The following CRYL1 variants were observed in gnomAD, a reference collection of about 807,000 sequenced individuals.
CRYL1 encodes crystallin lambda 1, also known as lambda-crystallin homolog.
Under a neutral mutation model 36.6 loss-of-function variants are expected in CRYL1, and 29 were observed. The observed-to-expected ratio is 0.79, with a 90% CI of 0.59 to 1.08. CRYL1 has a LOEUF of 1.08. CRYL1 is among the 50% of genes least tolerant of loss of function. CRYL1 has a pLI of 0.00. For synonymous variants in CRYL1, 152 were observed against 151.5 expected, an observed-to-expected ratio of 1.00 and a Z score of -0.02; for missense variants, 411 against 407.9, an observed-to-expected ratio of 1.01 and a Z score of -0.06.
intron 5 of CRYL1, among the ~76,000 whole-genome samples, chr13:20,420,935 G>T (rs1230937402): frequency 6.6e-6 from 1 of 151,850 alleles, no homozygotes; most frequent in Non-Finnish European, 1.5e-5. Context: ...GGATTTCATT[G>T]TGTTAGCCAG....
intron 1 of CRYL1, among the ~76,000 whole-genome samples, chr13:20,522,015 T>C (rs1444690171): frequency 1.3e-5 from 2 of 152,276 alleles, no homozygotes; most frequent in Non-Finnish European, 2.9e-5. Flanking sequence ...ATACCTAGAA[T>C]AGCACTTCAA....
At chr13:20,469,812 C>T (rs1323080795) in intron 3 of CRYL1, among the ~76,000 whole-genome samples, 2 of 152,210 alleles carry the variant, frequency 1.3e-5, no homozygotes, top group African/African-American at 4.8e-5. Flanking sequence ...CAATGTCTGG[C>T]CCCATGGGAA....
intron 4 of CRYL1, among the ~76,000 whole-genome samples, chr13:20,436,029 C>T (rs1455822162): frequency 6.6e-6 from 1 of 152,218 alleles, no homozygotes; most frequent in African/African-American, 2.4e-5. Flanking sequence ...GGGCGCTTTG[C>T]AGACAGCAAG....
chr13:20,488,016 C>T (rs2033434403), intron 3 of CRYL1, among the ~76,000 whole-genome samples: 2 of 152,030 alleles, frequency 1.3e-5, no homozygotes, highest in South Asian at 2.1e-4. Flanking sequence ...ACAGGAGAAT[C>T]GCTTGAATCC....
intron 5 of CRYL1, among the ~76,000 whole-genome samples, chr13:20,417,880 G>A (rs1018414525): frequency 6.6e-6 from 1 of 152,182 alleles, no homozygotes; most frequent in African/African-American, 2.4e-5. Flanking sequence ...AAAGGTTTAG[G>A]GATGTATCAC....
intron 2 of CRYL1, among the ~76,000 whole-genome samples, chr13:20,505,105 G>A (rs902214286): frequency 2.0e-5 from 3 of 151,982 alleles, no homozygotes; most frequent in South Asian, 2.1e-4. Flanking sequence ...CCTGTAATCC[G>A]AGCACTTTGG....
Position 20,403,952 on chromosome 13 carries a change from T to C in CRYL1, c.*177A>G. The C allele has an allele frequency of 2.1e-6, 1 of 476,220 alleles. No individual in the cohort carries two copies. Among genetic ancestry groups the C allele is most frequent in the South Asian group, 3.7e-5 (1 of 27,122 alleles). 29.5% of individuals were successfully genotyped at this position (476,220 alleles called of 1,614,324 possible). A position where few individuals can be genotyped will look rare whatever the true frequency, so the allele number is the denominator to read the frequency against. On this transcript the variant is annotated 3_prime_UTR_variant, in exon 8 of 8. Coordinates refer to ENST00000298248, the MANE Select transcript of CRYL1 (RefSeq NM_015974.3). ...TGCTGTGCCGCCAGGCCCAGGGCTA[T>C]GATCCAAAGTGACGGGCAGACTACC... is the stretch of plus-strand genomic sequence containing the variant.
At chr13:20,496,425 AGGGTAT>A (rs1270523247) in intron 2 of CRYL1, among the ~76,000 whole-genome samples, 1 of 152,250 alleles carries the variant, frequency 6.6e-6, no homozygotes. Context: ...AAGTCGATTT[AGGGTAT>A]AACAAGCTCA....
rs59124907 is a variant in CRYL1 at position 20,435,924 on chromosome 13, C to A, written c.439-3628G>T. On this transcript the variant is annotated intron_variant, in intron 4 of 7. Transcript: ENST00000298248. The surrounding 1 kb of genome is among the most constrained non-coding windows in gnomAD (Gnocchi z 4.0). ...TCGGTGTTCGATGCTTCATGGGTAG[C>A]CCATCCTCTCGGCGGCGCGCTCGCA... Among the ~76,000 whole-genome samples, 8,598 of 152,262 alleles carry A rather than the reference C, an allele frequency of 0.056. 700 individuals are homozygous for A. Among genetic ancestry groups the A allele is most frequent in the African/African-American group, 0.18 (7,387 of 41,532 alleles).
intron 5 of CRYL1, among the ~76,000 whole-genome samples, chr13:20,424,601 TA>T (rs2031893044): frequency 6.6e-6 from 1 of 152,196 alleles, no homozygotes; most frequent in Non-Finnish European, 1.5e-5. Flanking sequence ...GGATCAGCTC[TA>T]AGCGGCACCT....
intron 4 of CRYL1, among the ~76,000 whole-genome samples, chr13:20,434,976 C>T (rs1177344483): frequency 6.6e-6 from 1 of 152,154 alleles, no homozygotes; most frequent in African/African-American, 2.4e-5. Flanking sequence ...TCTATCTCAT[C>T]CTCCCAGAGC....
intron 3 of CRYL1, among the ~76,000 whole-genome samples, chr13:20,447,604 G>A (rs2032484237): frequency 6.6e-6 from 1 of 152,012 alleles, no homozygotes; most frequent in Non-Finnish European, 1.5e-5. Context: ...CATGGAAAGA[G>A]ATCCTCTATG....
chr13:20,487,454 A>G (rs1463719001), intron 3 of CRYL1, among the ~76,000 whole-genome samples: 2 of 152,238 alleles, frequency 1.3e-5, no homozygotes, highest in Non-Finnish European at 2.9e-5. Context: ...CTCTGTTCAG[A>G]GAGACTCAAA....
At chr13:20,413,678 A>G (rs1234811760) in intron 5 of CRYL1, among the ~76,000 whole-genome samples, 1 of 152,240 alleles carries the variant, frequency 6.6e-6, no homozygotes, top group Non-Finnish European at 1.5e-5. Context: ...AAGTAATTTT[A>G]TATAATATTT....
rs374129785 is a variant in CRYL1, at chr13:20,409,701, C to T, written c.739+3581G>A. On this transcript the variant is annotated intron_variant, in intron 6 of 7. Coordinates refer to ENST00000298248, the MANE Select transcript of CRYL1 (RefSeq NM_015974.3). ...AAATTTACAAGAAAAAAGCAAACAACCCCATCAAAAAGTGGGCGAAGGACA... is the reference window on the plus strand; with the variant it reads ...AAATTTACAAGAAAAAAGCAAACAATCCCATCAAAAAGTGGGCGAAGGACA... Among the ~76,000 whole-genome samples, 75 of 152,114 alleles carry T rather than the reference C, an allele frequency of 4.9e-4. No individual in the cohort carries two copies. The East Asian group carries it at 8.5e-3, about 17-fold the overall frequency.
In CRYL1 at chr13:20,435,053, GGCTGGGGTGGA is replaced by G. The variant is rs1296738246; in HGVS notation, c.439-2768_439-2758del. On this transcript the variant is annotated intron_variant, in intron 4 of 7. Transcript: ENST00000298248. This position sits in a 1 kb window ranked among gnomAD's most constrained non-coding sequence, Gnocchi z 4.0. ...GCAGAAAGCTAGGTTCAGGTGCCGCGGCTGGGGTGGAGCTGTGGAAAGTTAGTGTTTCATGG... is the reference window on the plus strand; with the variant it reads ...GCAGAAAGCTAGGTTCAGGTGCCGCGGCTGTGGAAAGTTAGTGTTTCATGG... 1.3e-5 allele frequency among the ~76,000 whole-genome samples: 2 copies of G among 152,060 alleles called. No homozygotes were observed.
At chr13:20,448,166 T>A (rs1054239864) in intron 3 of CRYL1, among the ~76,000 whole-genome samples, 53 of 152,350 alleles carry the variant, frequency 3.5e-4, no homozygotes, top group African/African-American at 1.3e-3. Flanking sequence ...AGAATGTCTT[T>A]GGTTCATCAG....
intron 3 of CRYL1, among the ~76,000 whole-genome samples, chr13:20,479,955 C>T (rs2033243142): frequency 6.6e-6 from 1 of 152,204 alleles, no homozygotes; most frequent in Non-Finnish European, 1.5e-5. Context: ...CCAAGAACTA[C>T]ATTTTCCTAC....
intron 1 of CRYL1, among the ~76,000 whole-genome samples, chr13:20,524,351 A>T (rs1351351270): frequency 6.6e-6 from 1 of 152,158 alleles, no homozygotes; most frequent in Non-Finnish European, 1.5e-5. Flanking sequence ...AATGCAAGAC[A>T]GAGGTAACTA....
Sources: gnomAD v4.1 joint callset for allele counts (sites outside exome capture counted in the v4.1 genomes callset) on GRCh38, gnomAD v4.1.1 for gene constraint, Gnocchi (gnomAD v3.1) non-coding constraint, MANE v1.5 for transcripts, NCBI Gene and HGNC (gene_info 2026-07-23, HGNC 2026-07-21) for gene names.